Variants in CGNL1 observed in about 807,000 individuals in gnomAD.
The protein encoded by CGNL1 is cingulin like 1, also known as cingulin-like protein 1.
Under a neutral mutation model 141.2 loss-of-function variants are expected in CGNL1, and 132 were observed. The observed-to-expected ratio is 0.93, with a 90% CI of 0.81 to 1.08. The LOEUF is 1.08. CGNL1 is among the 50% of genes least tolerant of loss of function. The probability of loss-of-function intolerance (pLI) is 0.00; values close to 1 mark genes in which losing one functional copy is unlikely to be tolerated. For missense variants in CGNL1, 1,870 were observed against 1,588.6 expected, an observed-to-expected ratio of 1.18 and a Z score of -3.01; for synonymous variants, 690 against 622.1, an observed-to-expected ratio of 1.11 and a Z score of -1.63.
chr15:57,477,143 TG>T (rs1167243780), intron 8 of CGNL1, among the ~76,000 whole-genome samples: 1 of 151,590 alleles, frequency 6.6e-6, no homozygotes, highest in African/African-American at 2.4e-5. Flanking sequence ...AATAAAAGGC[TG>T]GACGTGCTTC....
At chr15:57,464,761 T>C (rs565535422) in intron 8 of CGNL1, among the ~76,000 whole-genome samples, 1 of 149,746 alleles carries the variant, frequency 6.7e-6, no homozygotes, top group South Asian at 2.1e-4. Flanking sequence ...CCTTCTTTTT[T>C]TTTTTTGAGA....
chr15:57,462,113 A>T (rs370741496), intron 8 of CGNL1, among the ~76,000 whole-genome samples: 16 of 152,320 alleles, frequency 1.1e-4, no homozygotes, highest in East Asian at 5.8e-4. Context: ...CATTGGTTAA[A>T]TCCTGTTGCA....
In CGNL1 at chr15:57,438,155, C is replaced by T. The variant is rs1595703412; in HGVS notation, c.156C>T (p.His52=). ...TTCGGGTCCAGGGAATTGATGGTCA[C>T]CCCTATATTGTCCTGAATAACACAG... ...VSIRVQGIDG[H]PYIVLNNTER... Residue 52 remains histidine, a synonymous_variant, in exon 2 of 19, where the codon CAC becomes CAT. Coordinates refer to ENST00000281282, the MANE Select transcript of CGNL1 (RefSeq NM_032866.5). 18 of 1,614,176 alleles carry T rather than the reference C, an allele frequency of 1.1e-5. No homozygotes were observed. The African/African-American group carries it at 1.3e-4, about 12-fold the overall frequency.
chr15:57,543,732 G>A lies in CGNL1; in HGVS notation c.3328G>A (p.Ala1110Thr), dbSNP rs1194281369. The change falls in exon 15 of 19, where the codon GCT becomes ACT. Residue 1110 changes from alanine (A) to threonine (T), a missense_variant. Physicochemically the swap from Ala to Thr is moderately conservative, Grantham distance 58. Transcript: ENST00000281282. The stretch of plus-strand genomic sequence containing the variant: ...GAGGAATGAGCTACTTCAGGAGAGA[G>A]CTGCGAGACAAGACTTGGAGTGCGA... Reference protein sequence around the residue: ...QLRNELLQERAARQDLECDKI... With the variant: ...QLRNELLQERTARQDLECDKI... The A allele has an allele frequency of 1.2e-6, 2 of 1,614,078 alleles. No homozygotes were observed. The highest frequency in any genetic ancestry group is 1.7e-6 in the Non-Finnish European group (2 of 1,179,982).
At chr15:57,442,877 C>G (rs1303338356) in intron 4 of CGNL1, among the ~76,000 whole-genome samples, 2 of 152,158 alleles carry the variant, frequency 1.3e-5, no homozygotes, top group South Asian at 4.1e-4. Flanking sequence ...CGTTGGCCTC[C>G]CAAAGTGCTA....
At position 57,438,860 on chromosome 15, in the gene CGNL1, C is replaced by T. The variant is rs1325861845; in HGVS notation, c.861C>T (p.Val287=). ...PFRRQDSAGP[V]LDGARSRRSS... is the part of the protein sequence containing the mutation. ...GGCGACAGGATTCAGCGGGACCCGT[C>T]CTGGATGGAGCTCGGTCCCGGAGGT... Residue 287 remains valine (V), a synonymous_variant, in exon 2 of 19, where the codon GTC becomes GTT. Transcript: ENST00000281282. 6.2e-7 allele frequency: 1 copy of T among 1,614,256 alleles called. No individual in the cohort carries two copies. Among genetic ancestry groups the T allele is most frequent in the African/African-American group, 1.3e-5 (1 of 75,058 alleles).
At chr15:57,411,704 C>G (rs1567100527) in intron 1 of CGNL1, among the ~76,000 whole-genome samples, 2 of 151,966 alleles carry the variant, frequency 1.3e-5, no homozygotes, top group East Asian at 1.9e-4. Context: ...CTCAGCCTCC[C>G]AAAGTGCTGG....
chr15:57,470,591 T>G (rs1259017547), intron 8 of CGNL1, among the ~76,000 whole-genome samples: 6 of 152,190 alleles, frequency 3.9e-5, no homozygotes, highest in African/African-American at 1.4e-4. Context: ...TGCTGTGGGT[T>G]AGGCTGTAGA....
intron 14 of CGNL1, among the ~76,000 whole-genome samples, chr15:57,543,103 G>A (rs139543660): frequency 5.3e-5 from 8 of 152,264 alleles, no homozygotes; most frequent in African/African-American, 1.7e-4. Flanking sequence ...TGTTACCAGG[G>A]CCATGCTGCC....
intron 1 of CGNL1, among the ~76,000 whole-genome samples, chr15:57,426,887 A>G (rs1184893532): frequency 6.6e-6 from 1 of 152,124 alleles, no homozygotes; most frequent in Non-Finnish European, 1.5e-5. Context: ...AGAGCCATCT[A>G]TATAGATCTG....
intron 1 of CGNL1, among the ~76,000 whole-genome samples, chr15:57,409,037 T>TCACACACACACACACACACACA (rs59988268): frequency 1.8e-4 from 25 of 141,836 alleles, no homozygotes; most frequent in East Asian, 1.1e-3. Context: ...TGAGACTCTG[T>TCACACACACACACACACACACA]CACACACACA....
At chr15:57,461,501 T>C (rs1255778040) in intron 7 of CGNL1, among the ~76,000 whole-genome samples, 179 bp from the exon 8 acceptor site, 1 of 152,102 alleles carries the variant, frequency 6.6e-6, no homozygotes, top group East Asian at 1.9e-4. Flanking sequence ...TGATGGCCTC[T>C]GAGAAATGCA....
At chr15:57,441,136 A>G (rs1263516748) in intron 3 of CGNL1, among the ~76,000 whole-genome samples, 1 of 151,654 alleles carries the variant, frequency 6.6e-6, no homozygotes, top group South Asian at 2.1e-4. Flanking sequence ...GCAAATCCTC[A>G]TTGGTATCAA....
chr15:57,405,707 T>C (rs955301619), intron 1 of CGNL1, among the ~76,000 whole-genome samples: 4 of 152,038 alleles, frequency 2.6e-5, no homozygotes, highest in African/African-American at 4.8e-5. Flanking sequence ...TCTAAGAAGA[T>C]AGAAAAACTC....
chr15:57,391,460 A>T (rs1340651835), intron 1 of CGNL1, among the ~76,000 whole-genome samples: 6 of 152,218 alleles, frequency 3.9e-5, no homozygotes, highest in African/African-American at 1.4e-4. Context: ...TGGGGACCAA[A>T]ACCTTGTAAA....
rs373681984 is a variant in CGNL1 at position 57,482,749 on chromosome 15, T to C, written c.2403+20857T>C. Among the ~76,000 whole-genome samples, 16 of 152,242 alleles carry C rather than the reference T, an allele frequency of 1.1e-4. No individual in the cohort carries two copies. The East Asian group carries it at 2.9e-3, about 27-fold the overall frequency. On this transcript the variant is annotated intron_variant, in intron 8 of 18. Transcript: ENST00000281282. ...ACTTTATTCTTTTTTAAAATTGTTT[T>C]AGCTATTCTAGTTACTTTACCTTTT... is the stretch of plus-strand genomic sequence containing the variant.
intron 14 of CGNL1, among the ~76,000 whole-genome samples, chr15:57,537,489 T>C (rs2032324519): frequency 6.6e-6 from 1 of 152,128 alleles, no homozygotes; most frequent in Non-Finnish European, 1.5e-5. Context: ...CTGCCTTTTA[T>C]TGTATCAGCT....
rs756617857 is a variant in CGNL1 at position 57,528,712 on chromosome 15, C to T, written c.3098C>T (p.Thr1033Ile). Residue 1033 changes from threonine to isoleucine, a missense_variant, in exon 13 of 19, where the codon ACA (threonine) becomes ATA (isoleucine). Transcript: ENST00000281282. ...DYQRAQDEALTKRQLLEQTLK... is the reference protein window; with the variant it reads ...DYQRAQDEALIKRQLLEQTLK... ...CAGAGAGCTCAGGATGAAGCACTCA[C>T]AAAAAGGCAGCTTCTGGAGCAGACG... 18 of 1,614,124 alleles carry T rather than the reference C, an allele frequency of 1.1e-5. No homozygotes were observed. The South Asian group carries it at 2.0e-4, about 18-fold the overall frequency.
At chr15:57,389,745 C>T (rs1201154697) in intron 1 of CGNL1, among the ~76,000 whole-genome samples, 1 of 152,206 alleles carries the variant, frequency 6.6e-6, no homozygotes, top group Non-Finnish European at 1.5e-5. Flanking sequence ...TATATTTGCT[C>T]TTACAATGGT....
Sources: allele counts gnomAD v4.1 joint callset (sites outside exome capture counted in the v4.1 genomes callset), GRCh38; gene constraint gnomAD v4.1.1; transcripts MANE v1.5; gene names NCBI Gene and HGNC (gene_info 2026-07-23, HGNC 2026-07-21).